The following SEC23B variants were observed in gnomAD, a reference collection of about 807,000 sequenced individuals.
The protein encoded by SEC23B is protein transport protein Sec23B.
SEC23B carries 77 observed loss-of-function variants against 104.3 expected under a neutral mutation model. The ratio of observed to expected loss-of-function variants is 0.74; its 90% CI spans 0.61 to 0.89. SEC23B has a LOEUF of 0.89. SEC23B is among the 40% of genes least tolerant of loss of function. The pLI, the probability that SEC23B is intolerant of heterozygous loss-of-function variation, is 0.00. For missense variants in SEC23B, 885 were observed against 949.4 expected (o/e 0.93, Z 0.89); for synonymous variants, 338 against 332.5 (o/e 1.02, Z -0.18).
rs573763571 is a variant in SEC23B at position 18,560,602 on chromosome 20, A to G, written c.2215-49A>G. On this transcript the variant is annotated intron_variant, in intron 19 of 19. Transcript: ENST00000650089. ...AGGTGCTTGACAGCTCATGAATTCT[A>G]ATCAGCTTCTAAGATATCTGCCAAC... is the stretch of plus-strand genomic sequence containing the variant. 3 of 1,444,046 alleles carry G rather than the reference A, an allele frequency of 2.1e-6. No individual in the cohort carries two copies. The South Asian group carries it at 3.4e-5, about 16-fold the overall frequency. The allele number at this position is 1,444,046 out of a possible 1,614,324, so 89.5% of individuals were successfully genotyped here.
chr20:18,530,001 A>T (rs2060169501), intron 9 of SEC23B, among the ~76,000 whole-genome samples: 1 of 152,206 alleles, frequency 6.6e-6, no homozygotes, highest in African/African-American at 2.4e-5. Flanking sequence ...TAAGGGATTA[A>T]TATTAATACT....
At chr20:18,514,294 G>C (rs2060005787) in intron 3 of SEC23B, among the ~76,000 whole-genome samples, 1 of 152,194 alleles carries the variant, frequency 6.6e-6, no homozygotes, top group Non-Finnish European at 1.5e-5. Context: ...TGGGTGAACA[G>C]GGCCTCTCCA....
At chr20:18,532,537 C>T (rs2060196287) in intron 10 of SEC23B, 127 bp from the exon 11 acceptor site, 1 of 776,546 alleles carries the variant, frequency 1.3e-6, no homozygotes, top group Non-Finnish European at 2.3e-6. Flanking sequence ...AGTTATGATC[C>T]CTGTGGAGTT....
intron 4 of SEC23B, among the ~76,000 whole-genome samples, chr20:18,523,465 C>T (rs1390248491): frequency 2.1e-5 from 3 of 142,652 alleles, no homozygotes; most frequent in East Asian, 2.1e-4. Context: ...TGCAATGGCA[C>T]GATCTCAGCT....
At chr20:18,510,503 G>A (rs182707447) in intron 1 of SEC23B, among the ~76,000 whole-genome samples, 90 of 152,298 alleles carry the variant, frequency 5.9e-4, no homozygotes, top group Non-Finnish European at 9.7e-4. Flanking sequence ...AGTGGGTCAC[G>A]CCTGTAATCC....
rs901934319 is a variant in SEC23B at position 18,534,185 on chromosome 20, T to C, written c.1314+1441T>C. Among the ~76,000 whole-genome samples the C allele has an allele frequency of 3.3e-5, 5 of 152,204 alleles. No homozygotes were observed. In the East Asian group the frequency reaches 7.7e-4, roughly 23 times the overall value. On this transcript the variant is annotated intron_variant, in intron 11 of 19. Transcript: ENST00000650089. ...TTTTTTTGCCGACCTTTGAAAATAA[T>C]TTGCAGATATCATGACAGTCCTTAA...
chr20:18,526,346 C>G, intron 7 of SEC23B, 27 bp from the exon 8 acceptor site: 2 of 1,613,514 alleles, frequency 1.2e-6, no homozygotes, highest in South Asian at 2.2e-5. Context: ...CTGTATACTT[C>G]TAACATGCTG....
intron 15 of SEC23B, 150 bp from the exon 16 acceptor site, chr20:18,548,459 C>T: frequency 1.4e-6 from 1 of 736,444 alleles, no homozygotes; most frequent in African/African-American, 1.7e-5. Flanking sequence ...TTCCCTAGCC[C>T]CTGGTGCCCC....
chr20:18,541,957 G>A (rs991826616), intron 12 of SEC23B, among the ~76,000 whole-genome samples: 5 of 152,164 alleles, frequency 3.3e-5, no homozygotes, highest in Admixed American at 1.3e-4. Flanking sequence ...GTCACAAACT[G>A]GATAATTCAT....
At chr20:18,516,956 G>A (rs1489584300) in intron 4 of SEC23B, among the ~76,000 whole-genome samples, 1 of 151,958 alleles carries the variant, frequency 6.6e-6, no homozygotes, top group African/African-American at 2.4e-5. Flanking sequence ...GGATTGCATT[G>A]AATCTGTAGT....
At chr20:18,551,296 CTTAT>C (rs527948240) in intron 17 of SEC23B, 121 bp downstream of exon 17, 151 of 643,464 alleles carry the variant, frequency 2.3e-4, no homozygotes, top group African/African-American at 2.2e-3. Flanking sequence ...GTTTTCTTCT[CTTAT>C]TTATTAAGTT....
chr20:18,532,829 T>A (rs749580088), intron 11 of SEC23B, 85 bp downstream of exon 11: 13 of 972,002 alleles, frequency 1.3e-5, no homozygotes, highest in Non-Finnish European at 2.0e-5. Context: ...CTCACATGTG[T>A]CACCTGTTGG....
chr20:18,535,100 AT>A (rs575341367), intron 11 of SEC23B, among the ~76,000 whole-genome samples: 19 of 151,938 alleles, frequency 1.3e-4, no homozygotes, highest in Non-Finnish European at 2.8e-4. Context: ...CTGCTGTGTG[AT>A]TTCACCTTAA....
At chr20:18,511,412 G>A (rs367585537) in intron 2 of SEC23B, among the ~76,000 whole-genome samples, 5 of 151,958 alleles carry the variant, frequency 3.3e-5, no homozygotes, top group African/African-American at 7.3e-5. Flanking sequence ...AGCTTAGACC[G>A]TCTTCTCATG....
In SEC23B at chr20:18,551,105, GC is replaced by G; in HGVS notation, c.1923del (p.Ser641ArgfsTer5). 1 of 1,604,938 alleles carries G rather than the reference GC, an allele frequency of 6.2e-7. No individual in the cohort carries two copies. The highest frequency in any genetic ancestry group is 8.5e-7 in the Non-Finnish European group (1 of 1,176,004). On this transcript the variant is annotated frameshift_variant, in exon 17 of 20. Coordinates refer to ENST00000650089, the MANE Select transcript of SEC23B (RefSeq NM_006363.6). LOFTEE classifies it high-confidence loss of function. ...TTTCTTCAGCCAGTACTCTTGGATA[GC>G]AGCAGCATTCTAGCTGACAGAATTT... ...HGPPEPVLLD[S>X]SSILADRILL...
intron 3 of SEC23B, 131 bp from the exon 4 acceptor site, chr20:18,515,519 C>A: frequency 1.5e-6 from 1 of 679,338 alleles, no homozygotes; most frequent in Non-Finnish European, 2.7e-6. Context: ...CACAGTGTTG[C>A]CCAAGCTAGT....
Position 18,554,974 on chromosome 20 carries a change from AATT to A in SEC23B, c.2149-132_2149-130del. 2.3e-4 allele frequency: 35 copies of A among 151,292 alleles called. 11 individuals carry two copies. The highest frequency in any genetic ancestry group is 9.0e-4 in the South Asian group (12 of 13,294). The allele number at this position is 151,292 out of a possible 1,614,324, so 9.4% of individuals were successfully genotyped here. A position where few individuals can be genotyped will look rare whatever the true frequency, so the allele number is the denominator to read the frequency against. ...GATTACTGTGCAGTAAAACAATTCT[AATT>A]AGATTACTGTGCAGTAAAACAATTC... On this transcript the variant is annotated intron_variant, in intron 18 of 19. Coordinates refer to ENST00000650089, the MANE Select transcript of SEC23B (RefSeq NM_006363.6).
At chr20:18,552,363 C>T (rs763712948) in intron 17 of SEC23B, among the ~76,000 whole-genome samples, 15 of 152,336 alleles carry the variant, frequency 9.8e-5, no homozygotes, top group Non-Finnish European at 2.1e-4. Flanking sequence ...CAGTAATAGT[C>T]CTAGACTGAG....
At chr20:18,553,789 C>T (rs1053972733) in intron 17 of SEC23B, among the ~76,000 whole-genome samples, 22 of 152,316 alleles carry the variant, frequency 1.4e-4, no homozygotes, top group African/African-American at 5.1e-4. Context: ...TGTATGACTA[C>T]TGCTCACCAG....
Sources: gnomAD v4.1 joint callset for allele counts (sites outside exome capture counted in the v4.1 genomes callset) on GRCh38, gnomAD v4.1.1 for gene constraint, MANE v1.5 for transcripts, NCBI Gene and HGNC (gene_info 2026-07-23, HGNC 2026-07-21) for gene names.